LRRC3B: variants seen among roughly 807,000 people sequenced by gnomAD.
LRRC3B encodes leucine rich repeat containing 3B, also known as leucine-rich repeat-containing protein 3B.
In LRRC3B, 2 loss-of-function variants were observed where a neutral mutation model predicts 12.8. That is an observed-to-expected ratio of 0.16 (90% CI 0.06 to 0.49). The LOEUF (loss-of-function observed/expected upper bound fraction) is 0.49, where lower values mean the gene tolerates loss of function less well. Ranked by LOEUF, LRRC3B falls within the 20% of genes least tolerant of loss-of-function variation. LRRC3B has a pLI of 0.96. For synonymous variants in LRRC3B, 132 were observed against 122.0 expected (o/e 1.08, Z -0.54); for missense variants, 189 against 319.4 (o/e 0.59, Z 3.11).
At chr3:26,710,398 G>A in exon 2 of LRRC3B, 1 of 1,613,834 alleles carries the variant, frequency 6.2e-7, no homozygotes, top group Non-Finnish European at 8.5e-7. Context: ...TGAAATCCCT[G>A]CCAAGCAGGC....
chr3:26,650,976 C>T lies in LRRC3B; in HGVS notation c.-161+27739C>T, dbSNP rs112089115. Among the ~76,000 whole-genome samples the T allele has an allele frequency of 6.9e-3, 1,055 of 152,262 alleles. 16 individuals carry two copies. Among genetic ancestry groups the T allele is most frequent in the African/African-American group, 0.025 (1,019 of 41,542 alleles). Reference sequence around the variant, plus strand: ...GAGATTGTAAAAATGAAGAAATGCACCTCAAGTTAAATTAATTCTGTCATT... The same window carrying T: ...GAGATTGTAAAAATGAAGAAATGCATCTCAAGTTAAATTAATTCTGTCATT... On this transcript the variant is annotated intron_variant, in intron 1 of 1. Coordinates refer to ENST00000396641, the Ensembl canonical transcript of LRRC3B.
intron 1 of LRRC3B, among the ~76,000 whole-genome samples, chr3:26,672,530 C>G (rs552766893): frequency 3.3e-5 from 5 of 152,222 alleles, no homozygotes; most frequent in African/African-American, 1.2e-4. Context: ...ATTCTATCAT[C>G]CTGTTCCTGA....
intron 1 of LRRC3B, among the ~76,000 whole-genome samples, chr3:26,659,736 T>C (rs1699455353): frequency 6.6e-6 from 1 of 152,130 alleles, no homozygotes; most frequent in Non-Finnish European, 1.5e-5. Flanking sequence ...TTTCTGAAAA[T>C]AGAATGTTCT....
rs568550837 is a variant in LRRC3B, at chr3:26,653,931, A to T, written c.-161+30694A>T. ...ATGGATATTGGAGAAAAAGTTTATA[A>T]TGCCCATACCTGGTGGCACCAGATG... On this transcript the variant is annotated intron_variant, in intron 1 of 1. Coordinates refer to ENST00000396641, the Ensembl canonical transcript of LRRC3B. 2.0e-5 allele frequency among the ~76,000 whole-genome samples: 3 copies of T among 152,158 alleles called. No homozygotes were observed. The South Asian group carries it at 6.2e-4, about 32-fold the overall frequency.
At chr3:26,659,069 A>G (rs1699437556) in intron 1 of LRRC3B, among the ~76,000 whole-genome samples, 1 of 152,220 alleles carries the variant, frequency 6.6e-6, no homozygotes, top group Non-Finnish European at 1.5e-5. Context: ...CTTATGTTAA[A>G]AATGGGAGGT....
chr3:26,669,762 G>A (rs1163001038), intron 1 of LRRC3B, among the ~76,000 whole-genome samples: 1 of 152,184 alleles, frequency 6.6e-6, no homozygotes, highest in Non-Finnish European at 1.5e-5. Flanking sequence ...GCCGGTGAAA[G>A]ATGATTTTTT....
At chr3:26,676,804 C>T (rs1235373117) in intron 1 of LRRC3B, among the ~76,000 whole-genome samples, 3 of 152,158 alleles carry the variant, frequency 2.0e-5, no homozygotes, top group Non-Finnish European at 2.9e-5. Context: ...TTTCTTGAGG[C>T]ACTATTCACA....
intron 1 of LRRC3B, among the ~76,000 whole-genome samples, chr3:26,690,830 T>G (rs2125448962): frequency 6.6e-6 from 1 of 152,112 alleles, no homozygotes; most frequent in East Asian, 1.9e-4. Flanking sequence ...AAGGGTTGCC[T>G]AGTTATGTAT....
intron 1 of LRRC3B, among the ~76,000 whole-genome samples, chr3:26,667,636 AG>A (rs1463298706): frequency 6.6e-6 from 1 of 152,200 alleles, no homozygotes; most frequent in Non-Finnish European, 1.5e-5. Context: ...GAGCAAAAGG[AG>A]GGTGTGCCTT....
intron 1 of LRRC3B, among the ~76,000 whole-genome samples, chr3:26,640,323 A>C (rs1393543490): frequency 1.3e-5 from 2 of 152,112 alleles, no homozygotes; most frequent in Admixed American, 6.5e-5. Flanking sequence ...CCAAGTCTGC[A>C]AATCAGAATA....
chr3:26,663,331 A>G (rs1243061510), intron 1 of LRRC3B, among the ~76,000 whole-genome samples: 4 of 152,058 alleles, frequency 2.6e-5, no homozygotes, highest in African/African-American at 7.2e-5. Flanking sequence ...CCCCACCCCA[A>G]TACACACATG....
At chr3:26,677,083 A>G (rs1033509611) in intron 1 of LRRC3B, among the ~76,000 whole-genome samples, 17 of 152,206 alleles carry the variant, frequency 1.1e-4, no homozygotes, top group African/African-American at 3.4e-4. Flanking sequence ...TCATGAGTCA[A>G]GAAGGTGAGT....
intron 1 of LRRC3B, among the ~76,000 whole-genome samples, chr3:26,700,576 C>A (rs1700428788): frequency 6.6e-6 from 1 of 152,032 alleles, no homozygotes; most frequent in Non-Finnish European, 1.5e-5. Context: ...GTGAACTTGC[C>A]CCACAAGCTT....
chr3:26,642,956 G>A (rs1183963587), intron 1 of LRRC3B, among the ~76,000 whole-genome samples: 1 of 151,166 alleles, frequency 6.6e-6, no homozygotes, highest in Non-Finnish European at 1.5e-5. Flanking sequence ...GGCAGAGGTT[G>A]CAGAGAGCCG....
chr3:26,672,587 A>C (rs1699770952), intron 1 of LRRC3B, among the ~76,000 whole-genome samples: 1 of 152,184 alleles, frequency 6.6e-6, no homozygotes, highest in Admixed American at 6.5e-5. Flanking sequence ...CAACCTAGTC[A>C]GCCTAAGGGT....
At position 26,666,237 on chromosome 3, in the gene LRRC3B, G is replaced by A. The variant is rs147534590; in HGVS notation, c.-161+43000G>A. Among the ~76,000 whole-genome samples the A allele has an allele frequency of 4.8e-3, 728 of 152,106 alleles. 5 individuals carry two copies. Among genetic ancestry groups the A allele is most frequent in the South Asian group, 0.028 (134 of 4,820 alleles). ...CGTCAAAGAAGAAAGCAGAGTAACCGCAAGGAAAAGGTGAAGACAAATAGA... is the reference window on the plus strand; with the variant it reads ...CGTCAAAGAAGAAAGCAGAGTAACCACAAGGAAAAGGTGAAGACAAATAGA... On this transcript the variant is annotated intron_variant, in intron 1 of 1. Coordinates refer to ENST00000396641, the Ensembl canonical transcript of LRRC3B.
At chr3:26,692,811 C>T (rs1213434384) in intron 1 of LRRC3B, among the ~76,000 whole-genome samples, 4 of 152,152 alleles carry the variant, frequency 2.6e-5, no homozygotes, top group Admixed American at 6.5e-5. Flanking sequence ...CTCACAAATC[C>T]GTGAGTAGCT....
intron 1 of LRRC3B, among the ~76,000 whole-genome samples, chr3:26,694,177 T>A (rs191572610): frequency 2.6e-5 from 4 of 152,306 alleles, no homozygotes; most frequent in Admixed American, 1.3e-4. Context: ...ATTGTAGTAG[T>A]AGAGGTAGTA....
intron 1 of LRRC3B, among the ~76,000 whole-genome samples, chr3:26,630,650 G>C (rs1181879732): frequency 1.3e-5 from 2 of 152,162 alleles, no homozygotes; most frequent in Non-Finnish European, 2.9e-5. Flanking sequence ...TTTATGGCCT[G>C]TGTTCAAATG....
Sources: gnomAD v4.1 joint callset for allele counts (sites outside exome capture counted in the v4.1 genomes callset) on GRCh38, gnomAD v4.1.1 for gene constraint, MANE v1.5 for transcripts, NCBI Gene and HGNC (gene_info 2026-07-23, HGNC 2026-07-21) for gene names.